TBC1D5: variants seen among roughly 807,000 people sequenced by gnomAD.
TBC1D5 encodes TBC1 domain family, member 5.
TBC1D5 carries 75 observed loss-of-function variants against 100.3 expected under a neutral mutation model. The ratio of observed to expected loss-of-function variants is 0.75; its 90% CI spans 0.62 to 0.91. The LOEUF (loss-of-function observed/expected upper bound fraction) is 0.91, where lower values mean the gene tolerates loss of function less well. Among genes scored for constraint, TBC1D5 ranks in the 40% least tolerant of loss-of-function variants. The probability of loss-of-function intolerance (pLI) is 0.00; values close to 1 mark genes in which losing one functional copy is unlikely to be tolerated. For missense variants in TBC1D5, 910 were observed against 942.4 expected, an observed-to-expected ratio of 0.97 and a Z score of 0.45; for synonymous variants, 323 against 325.6, an observed-to-expected ratio of 0.99 and a Z score of 0.09.
At chr3:17,630,842 T>C (rs1450073000) in intron 1 of TBC1D5, among the ~76,000 whole-genome samples, 1 of 146,862 alleles carries the variant, frequency 6.8e-6, no homozygotes, top group African/African-American at 2.5e-5. Flanking sequence ...GAGACCATCC[T>C]GGCTAACACG....
chr3:17,657,667 G>T lies in TBC1D5; in HGVS notation c.-100-33754C>A, dbSNP rs1416328354. ...TTCTTTCTTTAGCTGCATCAATATA[G>T]TCAATCAGGAAAGTGGCCAAGGCTT... On this transcript the variant is annotated intron_variant, in intron 1 of 21. Transcript: ENST00000253692. Among the ~76,000 whole-genome samples the T allele has an allele frequency of 5.9e-5, 9 of 152,112 alleles. No individual in the cohort carries two copies. In the South Asian group the frequency reaches 1.9e-3, roughly 32 times the overall value.
chr3:17,328,484 T>C (rs1306364771), intron 13 of TBC1D5, among the ~76,000 whole-genome samples: 4 of 152,146 alleles, frequency 2.6e-5, no homozygotes, highest in East Asian at 3.8e-4. Context: ...CACTGACAAA[T>C]GGGCAAATGA....
chr3:17,277,324 C>G (rs929892722), intron 15 of TBC1D5, among the ~76,000 whole-genome samples: 2 of 152,320 alleles, frequency 1.3e-5, no homozygotes, highest in South Asian at 4.1e-4. Flanking sequence ...TGAACTGGCT[C>G]TTTTGACAGG....
At chr3:17,686,685 C>T (rs1045659777) in intron 1 of TBC1D5, among the ~76,000 whole-genome samples, 10 of 152,080 alleles carry the variant, frequency 6.6e-5, no homozygotes, top group African/African-American at 2.4e-4. Context: ...TTAGGCCAAA[C>T]CTGAAAAATT....
intron 18 of TBC1D5, among the ~76,000 whole-genome samples, chr3:17,188,595 A>G (rs1237274564): frequency 6.6e-6 from 1 of 152,184 alleles, no homozygotes; most frequent in Non-Finnish European, 1.5e-5. Flanking sequence ...AAACCCTTCA[A>G]CTATCACTCA....
At chr3:17,362,477 G>A (rs1159581704) in intron 13 of TBC1D5, among the ~76,000 whole-genome samples, 1 of 151,650 alleles carries the variant, frequency 6.6e-6, no homozygotes, top group Admixed American at 6.6e-5. Context: ...AAGACACGTA[G>A]ACTGACTTTT....
At chr3:17,685,152 T>C (rs1032098647) in intron 1 of TBC1D5, among the ~76,000 whole-genome samples, 1 of 151,858 alleles carries the variant, frequency 6.6e-6, no homozygotes, top group East Asian at 1.9e-4. Context: ...TAACTCTAAA[T>C]AGGTAAATTT....
At chr3:17,703,622 A>G (rs1317428807) in intron 1 of TBC1D5, among the ~76,000 whole-genome samples, 1 of 152,166 alleles carries the variant, frequency 6.6e-6, no homozygotes, top group Non-Finnish European at 1.5e-5. Flanking sequence ...CAAGCTTACT[A>G]CAGGAAGATT....
rs59939175 is a variant in TBC1D5, at chr3:17,339,777, T to G, written c.996-31643A>C. On this transcript the variant is annotated intron_variant, in intron 13 of 21. Transcript: ENST00000253692. ...CAGGAAAGTTGAGAAGATAATCCTT[T>G]TAATTATTAGTGAGGAGTTCATTTT... Among the ~76,000 whole-genome samples, 737 of 152,294 alleles carry G rather than the reference T, an allele frequency of 4.8e-3. 3 individuals are homozygous for G. Among genetic ancestry groups the G allele is most frequent in the African/African-American group, 0.017 (688 of 41,556 alleles).
intron 13 of TBC1D5, 68 bp from the exon 14 acceptor site, chr3:17,308,202 A>C: frequency 6.9e-7 from 1 of 1,439,500 alleles, no homozygotes; most frequent in South Asian, 1.6e-5. Context: ...CATTTTCTCA[A>C]GTAACTGTGA....
At chr3:17,294,677 G>A (rs2082077690) in intron 14 of TBC1D5, among the ~76,000 whole-genome samples, 1 of 152,140 alleles carries the variant, frequency 6.6e-6, no homozygotes. Context: ...CATTTCCTGA[G>A]CATCTACTAA....
intron 10 of TBC1D5, among the ~76,000 whole-genome samples, chr3:17,375,615 A>G (rs1484977880): frequency 6.6e-6 from 1 of 152,042 alleles, no homozygotes; most frequent in Non-Finnish European, 1.5e-5. Flanking sequence ...CTTCATGTTT[A>G]AATTTTAGAA....
chr3:17,436,091 T>G (rs1196571755), intron 3 of TBC1D5, among the ~76,000 whole-genome samples: 1 of 152,136 alleles, frequency 6.6e-6, no homozygotes, highest in African/African-American at 2.4e-5. Flanking sequence ...TTTCCAGGAG[T>G]AAGCCTTACT....
At chr3:17,459,335 A>G (rs1005795615) in intron 3 of TBC1D5, among the ~76,000 whole-genome samples, 1 of 152,062 alleles carries the variant, frequency 6.6e-6, no homozygotes, top group African/African-American at 2.4e-5. Context: ...GGAGTGTGCA[A>G]CCCACATCCC....
chr3:17,340,991 T>C (rs995292127), intron 13 of TBC1D5, among the ~76,000 whole-genome samples: 4 of 152,326 alleles, frequency 2.6e-5, no homozygotes, highest in Admixed American at 2.0e-4. Flanking sequence ...GTCACATTAA[T>C]ATTTACAGAA....
intron 15 of TBC1D5, among the ~76,000 whole-genome samples, chr3:17,279,918 C>A (rs575040782): frequency 1.3e-5 from 2 of 152,264 alleles, no homozygotes; most frequent in South Asian, 2.1e-4. Flanking sequence ...CATTACATCA[C>A]CAGCACCCAG....
intron 2 of TBC1D5, among the ~76,000 whole-genome samples, chr3:17,597,493 T>A (rs1229178219): frequency 6.6e-6 from 1 of 152,234 alleles, no homozygotes; most frequent in Non-Finnish European, 1.5e-5. Context: ...TACACCATGC[T>A]ATACTGATTT....
intron 3 of TBC1D5, among the ~76,000 whole-genome samples, chr3:17,474,272 T>C (rs1057488252): frequency 6.6e-6 from 1 of 152,164 alleles, no homozygotes; most frequent in African/African-American, 2.4e-5. Flanking sequence ...TACTTACTCA[T>C]CAAAACAGAT....
At chr3:17,548,640 C>T (rs1309481552) in intron 2 of TBC1D5, among the ~76,000 whole-genome samples, 1 of 152,128 alleles carries the variant, frequency 6.6e-6, no homozygotes, top group East Asian at 1.9e-4. Flanking sequence ...TAAACATAAA[C>T]ATGGTAGGGA....
Sources: allele counts gnomAD v4.1 joint callset (sites outside exome capture counted in the v4.1 genomes callset), GRCh38; gene constraint gnomAD v4.1.1; transcripts MANE v1.5; gene names NCBI Gene and HGNC (gene_info 2026-07-23, HGNC 2026-07-21).